Variants in BNIPL observed in about 807,000 individuals in gnomAD.
BNIPL encodes BCL2 interacting protein like, also known as bcl-2/adenovirus E1B 19 kDa-interacting protein 2-like protein.
A neutral mutation model predicts 47.0 loss-of-function variants in BNIPL; 33 were observed. The ratio of observed to expected loss-of-function variants is 0.70; its 90% confidence interval spans 0.53 to 0.94. The LOEUF is 0.94. BNIPL is among the 40% of genes least tolerant of loss of function. The pLI is 0.00. For synonymous variants in BNIPL, 145 were observed against 162.7 expected (o/e 0.89, Z 0.83); for missense variants, 404 against 445.2 (o/e 0.91, Z 0.83).
chr1:151,037,466 G>T, intron 1 of BNIPL, 101 bp from the exon 2 acceptor site: 1 of 1,486,466 alleles, frequency 6.7e-7, no homozygotes, highest in South Asian at 1.3e-5. Context: ...TCCTTTTGAA[G>T]GCCTATCCTC....
chr1:151,043,761 A>C (rs746308843), intron 7 of BNIPL, 34 bp downstream of exon 7: 52 of 1,552,672 alleles, frequency 3.3e-5, no homozygotes, highest in Middle Eastern at 1.7e-4. Context: ...ACAACTCTCT[A>C]TCTCATCTTT....
chr1:151,043,699 C>T lies in BNIPL; in HGVS notation c.823C>T (p.Arg275Cys), dbSNP rs139447919. ...CCAAGTTCCACCTCTAAGCTGGATACGTCAGTGTTACCGTACCCTGGATCG... is the reference window on the plus strand; with the variant it reads ...CCAAGTTCCACCTCTAAGCTGGATATGTCAGTGTTACCGTACCCTGGATCG... ...RAQVPPLSWI[R>C]QCYRTLDRRL... The change falls in exon 7 of 10, where the codon CGT becomes TGT. Residue 275 changes from arginine (R) to cysteine (C), a missense_variant. Arg to Cys is a radical substitution (Grantham distance 180, BLOSUM62 -3). Transcript: ENST00000368931. The T allele has an allele frequency of 9.5e-5, 153 of 1,613,998 alleles. 1 individual carries two copies. In the African/African-American group the frequency reaches 1.3e-3, roughly 13 times the overall value.
chr1:151,037,215 C>T, intron 1 of BNIPL: 1 of 521,284 alleles, frequency 1.9e-6, no homozygotes, highest in Non-Finnish European at 2.7e-6. Context: ...GCAGGCCTAA[C>T]TAGGTACCGT....
At position 151,038,804 on chromosome 1, in the gene BNIPL, A is replaced by G; in HGVS notation, c.211A>G (p.Thr71Ala). The stretch of plus-strand genomic sequence containing the variant: ...TTTCCCCCTTTCTCCAGCTGCAGGT[A>G]CCCCCAGCACTTTAGCCCTGTGTGG... ...PKGDSQAAAG[T>A]PSTLALCGQR... The change falls in exon 4 of 10, where the codon ACC becomes GCC. Residue 71 changes from threonine (T) to alanine (A), a missense_variant. Physicochemically the swap from Thr to Ala is moderately conservative, Grantham distance 58 (BLOSUM62 0). Coordinates refer to ENST00000368931, the MANE Select transcript of BNIPL (RefSeq NM_138278.4). The G allele has an allele frequency of 1.3e-6, 2 of 1,576,628 alleles. No individual in the cohort carries two copies. The highest frequency in any genetic ancestry group is 1.4e-5 in the African/African-American group (1 of 73,448).
In BNIPL at chr1:151,042,964, C is replaced by A. The variant is rs748153724; in HGVS notation, c.442C>A (p.Pro148Thr). 3.6e-5 allele frequency: 57 copies of A among 1,577,748 alleles called. No individual in the cohort carries two copies. The South Asian group carries it at 6.3e-4, about 18-fold the overall frequency. Residue 148 changes from proline to threonine, a missense_variant, in exon 5 of 10, where the codon CCC becomes ACC. Coordinates refer to ENST00000368931, the MANE Select transcript of BNIPL (RefSeq NM_138278.4). ...CCATCCCTCTCTTTTAGATGAACTACCCCGGGCAGAGGGTCTGGGCACCAG... is the reference window on the plus strand; with the variant it reads ...CCATCCCTCTCTTTTAGATGAACTAACCCGGGCAGAGGGTCTGGGCACCAG... ...GHEFEWEDEL[P>T]RAEGLGTSET...
chr1:151,043,736 T>C lies in BNIPL; in HGVS notation c.851+9T>C. ...CGTACCCTGGATCGGCGGTGAGACC[T>C]GGGATGAGAGGGCTACAACTCTCTA... On this transcript the variant is annotated intron_variant, in intron 7 of 9. Transcript: ENST00000368931. 6.2e-7 allele frequency: 1 copy of C among 1,611,178 alleles called. No homozygotes were observed.
At chr1:151,038,454 T>G (rs772774371) in intron 2 of BNIPL, 50 bp from the exon 3 acceptor site, 3 of 1,375,722 alleles carry the variant, frequency 2.2e-6, no homozygotes, top group Non-Finnish European at 1.0e-6. Flanking sequence ...AGTCCTGGCT[T>G]GATGCCTTTG....
At position 151,038,680 on chromosome 1, in the gene BNIPL, G is replaced by C; in HGVS notation, c.202+112G>C. The C allele has an allele frequency of 3.8e-6, 6 of 1,572,970 alleles. No individual in the cohort carries two copies. The South Asian group carries it at 4.6e-5, about 12-fold the overall frequency. On this transcript the variant is annotated intron_variant, in intron 3 of 9. Coordinates refer to ENST00000368931, the MANE Select transcript of BNIPL (RefSeq NM_138278.4). ...CCCCCTTTTCCCAAATCTCCCCTGC[G>C]TGAGTCCTTCTTCAGCATTCACCCC...
intron 1 of BNIPL, among the ~76,000 whole-genome samples, chr1:151,037,092 C>T (rs775744073): frequency 2.0e-5 from 3 of 152,190 alleles, no homozygotes; most frequent in Non-Finnish European, 4.4e-5. Context: ...GAACCAGAAC[C>T]GAGTTTAGGT....
chr1:151,038,437 T>C (rs759713141), intron 2 of BNIPL, 67 bp from the exon 3 acceptor site: 46 of 1,158,640 alleles, frequency 4.0e-5, no homozygotes, highest in Admixed American at 1.3e-4. Flanking sequence ...AGAGAACCTA[T>C]ATATTGAGTC....
chr1:151,045,298 G>A (rs1453068433), intron 7 of BNIPL, among the ~76,000 whole-genome samples: 66 of 143,782 alleles, frequency 4.6e-4, no homozygotes, highest in African/African-American at 1.7e-3. Flanking sequence ...AAATCCGGGC[G>A]CGATGGCTCA....
intron 7 of BNIPL, 38 bp downstream of exon 7, chr1:151,043,765 C>A: frequency 6.4e-7 from 1 of 1,552,352 alleles, no homozygotes; most frequent in Non-Finnish European, 8.7e-7. Context: ...CTCTCTATCT[C>A]ATCTTTTTTT....
At chr1:151,039,100 G>A (rs1675733101) in intron 4 of BNIPL, 74 bp downstream of exon 4, 2 of 1,425,376 alleles carry the variant, frequency 1.4e-6, no homozygotes, top group South Asian at 1.8e-5. Context: ...GACTTAATGG[G>A]ACTGCAGTTA....
chr1:151,043,610 C>T lies in BNIPL; in HGVS notation c.734C>T (p.Thr245Ile), dbSNP rs1675909071. 1 of 1,611,952 alleles carries T rather than the reference C, an allele frequency of 6.2e-7. No individual in the cohort carries two copies. The highest frequency in any genetic ancestry group is 8.5e-7 in the Non-Finnish European group (1 of 1,178,226). The change falls in exon 7 of 10, where the codon ACT becomes ATT. Residue 245 changes from threonine to isoleucine, a missense_variant. Thr to Ile is a moderately conservative substitution (Grantham distance 89). Transcript: ENST00000368931. ...MEHLFRYMVG[T>I]LELLVAENYL... is the part of the protein sequence containing the mutation. ...CATCCCCCCAGGTATATGGTGGGAA[C>T]TCTGGAGCTGCTAGTAGCTGAAAAT...
At position 151,038,636 on chromosome 1, in the gene BNIPL, T is replaced by TCCTTTTACAGTTCCATTTCCC; in HGVS notation, c.202+75_202+95dup. 3 of 1,594,090 alleles carry TCCTTTTACAGTTCCATTTCCC rather than the reference T, an allele frequency of 1.9e-6. 1 individual carries two copies. In the South Asian group the frequency reaches 3.3e-5, roughly 18 times the overall value. On this transcript the variant is annotated intron_variant, in intron 3 of 9. Transcript: ENST00000368931. ...CCAGTAAAGGGCTATGCCACCTCTA[T>TCCTTTTACAGTTCCATTTCCC]CCTTTTACAGTTCCATTTCCCCCTT...
intron 9 of BNIPL, 109 bp downstream of exon 9, chr1:151,046,274 T>C: frequency 6.8e-7 from 1 of 1,479,552 alleles, no homozygotes; most frequent in Non-Finnish European, 9.0e-7. Context: ...TAGAGGGCCC[T>C]GTTTTCGGGT....
Position 151,043,113 on chromosome 1 carries a change from C to G in BNIPL, c.591C>G (p.Pro197=). The part of the protein sequence containing the change: ...EQRVDMTVIE[P]YKKVLSHGGY... The stretch of plus-strand genomic sequence containing the variant: ...GCGTAGACATGACTGTCATTGAGCC[C>G]TATAAGAAAGTCCTGTCTCATGGAG... The change falls in exon 5 of 10, where the codon CCC becomes CCG. Residue 197 remains proline, a synonymous_variant. Transcript: ENST00000368931. The G allele has an allele frequency of 6.2e-7, 1 of 1,613,368 alleles. No individual in the cohort carries two copies. Among genetic ancestry groups the G allele is most frequent in the Non-Finnish European group, 8.5e-7 (1 of 1,179,752 alleles).
In BNIPL at chr1:151,046,648, T is replaced by G; in HGVS notation, c.1038-3T>G. 1.2e-6 allele frequency: 2 copies of G among 1,602,024 alleles called. No homozygotes were observed. Among genetic ancestry groups the G allele is most frequent in the Non-Finnish European group, 1.7e-6 (2 of 1,172,910 alleles). On this transcript the variant is annotated splice_polypyrimidine_tract_variant and splice_region_variant and intron_variant, in intron 9 of 9. Coordinates refer to ENST00000368931, the MANE Select transcript of BNIPL (RefSeq NM_138278.4). ...TTCTCTCCTCCCCCTCTCCCTCTCC[T>G]AGGCTGGACCGGGATCTCCATGGCT...
intron 4 of BNIPL, among the ~76,000 whole-genome samples, chr1:151,042,559 T>A (rs1012918821): frequency 2.0e-5 from 3 of 152,050 alleles, no homozygotes; most frequent in Non-Finnish European, 2.9e-5. Context: ...ATGCCTCTAA[T>A]CCCAGCATTT....
Sources: allele counts gnomAD v4.1 joint callset (sites outside exome capture counted in the v4.1 genomes callset), GRCh38; gene constraint gnomAD v4.1.1; transcripts MANE v1.5; gene names NCBI Gene and HGNC (gene_info 2026-07-23, HGNC 2026-07-21).